FYB1: variants seen among roughly 807,000 people sequenced by gnomAD.
The protein encoded by FYB1 is FYN-binding protein 1.
A neutral mutation model predicts 94.1 loss-of-function variants in FYB1; 41 were observed. That is an observed-to-expected ratio of 0.44 (90% CI 0.34 to 0.57). The LOEUF is 0.57. FYB1 is among the 20% of genes least tolerant of loss of function. The probability of loss-of-function intolerance (pLI) is 0.02; values close to 1 mark genes in which losing one functional copy is unlikely to be tolerated. For synonymous variants in FYB1, 367 were observed against 353.2 expected (o/e 1.04, Z -0.44); for missense variants, 1,050 against 976.8 (o/e 1.07, Z -1.00).
upstream of FYB1, among the ~76,000 whole-genome samples, chr5:39,220,319 G>A (rs1750180494): frequency 6.6e-6 from 1 of 151,700 alleles, no homozygotes; most frequent in Non-Finnish European, 1.5e-5. Flanking sequence ...GCTGAGGTGG[G>A]AGGATTTCTT....
intron 1 of FYB1, among the ~76,000 whole-genome samples, chr5:39,226,120 T>A (rs1579735083): frequency 6.6e-6 from 1 of 152,336 alleles, no homozygotes; most frequent in Admixed American, 6.5e-5. Flanking sequence ...AAGACTGAAA[T>A]GCGAGCTGAG....
chr5:39,152,867 G>A (rs1245124002), intron 3 of FYB1, among the ~76,000 whole-genome samples: 1 of 152,184 alleles, frequency 6.6e-6, no homozygotes. Context: ...ATTTAGCATA[G>A]TAGTTTAAAG....
At chr5:39,127,418 T>G (rs556058744) in intron 11 of FYB1, among the ~76,000 whole-genome samples, 5 of 124,286 alleles carry the variant, frequency 4.0e-5, no homozygotes, top group African/African-American at 1.3e-4. Flanking sequence ...GCCAGTGCAC[T>G]CCAGCCTGGG....
chr5:39,125,276 G>A (rs912038416), intron 12 of FYB1, among the ~76,000 whole-genome samples: 2 of 152,040 alleles, frequency 1.3e-5, no homozygotes, highest in African/African-American at 4.8e-5. Context: ...GTGAATTCAT[G>A]AGCTAAATAT....
intron 14 of FYB1, among the ~76,000 whole-genome samples, 168 bp from the exon 15 acceptor site, chr5:39,119,802 T>C (rs576252284): frequency 3.3e-5 from 5 of 152,280 alleles, no homozygotes; most frequent in East Asian, 3.9e-4. Flanking sequence ...CATTCCATAA[T>C]GTAGGAGGGT....
intron 2 of FYB1, among the ~76,000 whole-genome samples, chr5:39,181,372 A>G (rs1433710790): frequency 8.3e-6 from 1 of 120,846 alleles, no homozygotes; most frequent in Non-Finnish European, 2.0e-5. Flanking sequence ...GAGGAGCTGA[A>G]TTTTGAATTT....
intron 2 of FYB1, among the ~76,000 whole-genome samples, chr5:39,165,266 G>A (rs111838921): frequency 0.048 from 7,296 of 152,070 alleles, 596 homozygotes; most frequent in African/African-American, 0.17. Context: ...CAACCAAAAC[G>A]GCATGGCACT....
intron 1 of FYB1, among the ~76,000 whole-genome samples, chr5:39,211,280 A>G (rs1749348801): frequency 6.6e-6 from 1 of 151,604 alleles, no homozygotes; most frequent in South Asian, 2.1e-4. Context: ...AACCTCAAAG[A>G]GAGACCTAAA....
intron 2 of FYB1, among the ~76,000 whole-genome samples, chr5:39,156,567 A>C (rs1280947184): frequency 6.6e-6 from 1 of 152,210 alleles, no homozygotes; most frequent in East Asian, 1.9e-4. Context: ...CTTCCTCATC[A>C]AGCTTGGGAG....
chr5:39,165,559 A>C (rs1170834992), intron 2 of FYB1, among the ~76,000 whole-genome samples: 1 of 152,200 alleles, frequency 6.6e-6, no homozygotes, highest in South Asian at 2.1e-4. Flanking sequence ...CCTAGGAAAA[A>C]CTTATGGTCA....
At chr5:39,189,703 A>G (rs1182984338) in intron 2 of FYB1, among the ~76,000 whole-genome samples, 1 of 152,224 alleles carries the variant, frequency 6.6e-6, no homozygotes, top group Non-Finnish European at 1.5e-5. Context: ...GTTACAAAAT[A>G]CCTGCTGTTT....
chr5:39,208,619 G>A (rs1177935089), intron 1 of FYB1, among the ~76,000 whole-genome samples: 1 of 152,156 alleles, frequency 6.6e-6, no homozygotes, highest in African/African-American at 2.4e-5. Flanking sequence ...GACAACAAGA[G>A]GCTGTGAGGG....
At chr5:39,130,265 G>A (rs1194609367) in intron 10 of FYB1, among the ~76,000 whole-genome samples, 2 of 152,054 alleles carry the variant, frequency 1.3e-5, no homozygotes, top group Non-Finnish European at 2.9e-5. Flanking sequence ...ATGTAAGAAT[G>A]TGTTTGGGGG....
Position 39,197,620 on chromosome 5 carries a change from CAAT to C in FYB1, c.1135+4203_1135+4205del, listed in dbSNP as rs554197780. Among the ~76,000 whole-genome samples the C allele has an allele frequency of 1.5e-3, 234 of 152,370 alleles. 1 individual carries two copies. The highest frequency in any genetic ancestry group is 5.5e-3 in the African/African-American group (227 of 41,584). ...GGGGAAAGCAAATGCACTCTGGAAA[CAAT>C]GACCTTCGAAAACTGCCTTTGATAA... On this transcript the variant is annotated intron_variant, in intron 2 of 18. Transcript: ENST00000512982.
chr5:39,128,362 A>T (rs1049382155), intron 10 of FYB1, among the ~76,000 whole-genome samples: 1 of 152,148 alleles, frequency 6.6e-6, no homozygotes, highest in East Asian at 1.9e-4. Context: ...TATTTACTTA[A>T]CAATTGTTTA....
chr5:39,255,313 T>C (rs1751889185), intron 1 of FYB1, among the ~76,000 whole-genome samples: 1 of 152,142 alleles, frequency 6.6e-6, no homozygotes. Context: ...TTTTAAGCAT[T>C]TGCAAAAGTT....
intron 2 of FYB1, among the ~76,000 whole-genome samples, chr5:39,193,510 G>T (rs1393148127): frequency 6.6e-6 from 1 of 152,200 alleles, no homozygotes; most frequent in Non-Finnish European, 1.5e-5. Flanking sequence ...AGAAATAGAA[G>T]GTTCTGGTGC....
At chr5:39,263,405 C>T (rs1348701604) in intron 1 of FYB1, among the ~76,000 whole-genome samples, 1 of 151,880 alleles carries the variant, frequency 6.6e-6, no homozygotes, top group East Asian at 1.9e-4. Flanking sequence ...TGGGATAGAT[C>T]TTGCTGCAGA....
intron 1 of FYB1, among the ~76,000 whole-genome samples, chr5:39,254,581 G>A (rs1037778979): frequency 6.6e-6 from 1 of 152,184 alleles, no homozygotes; most frequent in African/African-American, 2.4e-5. Flanking sequence ...GGAGGATTTT[G>A]TTTTAAACTG....
Sources: allele counts gnomAD v4.1 joint callset (sites outside exome capture counted in the v4.1 genomes callset), GRCh38; gene constraint gnomAD v4.1.1; transcripts MANE v1.5; gene names NCBI Gene and HGNC (gene_info 2026-07-23, HGNC 2026-07-21).